The following MRE11 variants were observed in gnomAD, a reference collection of about 807,000 sequenced individuals.
MRE11 encodes MRE11 double strand break repair nuclease, also known as double-strand break repair protein MRE11.
In MRE11, 62 loss-of-function variants were observed where a neutral mutation model predicts 91.7. The observed-to-expected ratio is 0.68, with a 90% CI of 0.55 to 0.84. The LOEUF (loss-of-function observed/expected upper bound fraction) is 0.84. MRE11 is among the 40% of genes least tolerant of loss of function. The probability of loss-of-function intolerance (pLI) is 0.00; values close to 1 mark genes in which losing one functional copy is unlikely to be tolerated. For missense variants in MRE11, 796 were observed against 852.9 expected (o/e 0.93, Z 0.83); for synonymous variants, 273 against 271.4 (o/e 1.01, Z -0.06).
chr11:94,445,819 T>G lies in MRE11; in HGVS notation c.1858A>C (p.Ile620Leu). 1 of 1,608,648 alleles carries G rather than the reference T, an allele frequency of 6.2e-7. No homozygotes were observed. The highest frequency in any genetic ancestry group is 1.3e-5 in the African/African-American group (1 of 74,952). The change falls in exon 16 of 20, where the codon ATT (isoleucine) becomes CTT (leucine). Residue 620 changes from isoleucine (I) to leucine (L), a missense_variant. Ile to Leu is a conservative substitution (Grantham distance 5, BLOSUM62 2). Coordinates refer to ENST00000323929, the MANE Select transcript of MRE11 (RefSeq NM_005591.4). ...TGCAGTCTATACTCACCATCTATAA[T>G]AGACATATTTCTAGATGCTGACACA... is the stretch of plus-strand genomic sequence containing the variant. Reference protein sequence around the residue: ...TAVSASRNMSIIDAFKSTRQQ... With the variant: ...TAVSASRNMSLIDAFKSTRQQ...
chr11:94,503,380 T>A, the MRE11 span, among the ~76,000 whole-genome samples: 1 of 152,006 alleles, frequency 6.6e-6, no homozygotes, highest in African/African-American at 2.4e-5. Flanking sequence ...ATCCTAGTAG[T>A]TGAAAATCAT....
rs1805363 is a variant in MRE11 at position 94,493,786 on chromosome 11, C to T, written c.-106+5G>A. On this transcript the variant is annotated splice_donor_5th_base_variant and intron_variant, in intron 1 of 19. Transcript: ENST00000323929. ...TGAAAAGAAAACAACACGGTCTGAA[C>T]TTGCCTCTGAGAACCCGCAGGGCCG... 0.057 allele frequency: 8,741 copies of T among 152,356 alleles called. 370 individuals carry two copies. Among genetic ancestry groups the T allele is most frequent in the Non-Finnish European group, 0.091 (6,199 of 68,068 alleles). The allele number at this position is 152,356 out of a possible 1,614,324, so 9.4% of individuals were successfully genotyped here. A position where few individuals can be genotyped will look rare whatever the true frequency, so the allele number is the denominator to read the frequency against.
intron 11 of MRE11, among the ~76,000 whole-genome samples, chr11:94,461,833 T>C (rs1250417666): frequency 6.6e-6 from 1 of 152,124 alleles, no homozygotes; most frequent in Non-Finnish European, 1.5e-5. Flanking sequence ...CCCAGCACTT[T>C]GAGAGGCCGA....
intron 18 of MRE11, among the ~76,000 whole-genome samples, chr11:94,433,787 G>A (rs956055639): frequency 2.6e-5 from 4 of 152,136 alleles, no homozygotes; most frequent in Non-Finnish European, 5.9e-5. Flanking sequence ...GCCCAGTCTC[G>A]GGTATGTGTT....
At chr11:94,478,897 G>A in intron 5 of MRE11, 21 bp from the exon 6 acceptor site, 1 of 1,612,096 alleles carries the variant, frequency 6.2e-7, no homozygotes, top group Non-Finnish European at 8.5e-7. Flanking sequence ...TAATTTCAAA[G>A]AATGTTAGTG....
At chr11:94,490,744 T>A in intron 3 of MRE11, 89 bp downstream of exon 3, 1 of 1,501,416 alleles carries the variant, frequency 6.7e-7, no homozygotes, top group Non-Finnish European at 9.3e-7. Context: ...CACCTGAGCT[T>A]ATAAAACAAA....
chr11:94,433,820 T>G (rs1352857629), intron 18 of MRE11, among the ~76,000 whole-genome samples: 1 of 152,234 alleles, frequency 6.6e-6, no homozygotes, highest in Non-Finnish European at 1.5e-5. Context: ...GAAAATGGAC[T>G]AATACAGGCT....
chr11:94,481,796 T>C (rs1231765773), intron 4 of MRE11, among the ~76,000 whole-genome samples: 1 of 152,222 alleles, frequency 6.6e-6, no homozygotes, highest in Non-Finnish European at 1.5e-5. Context: ...TATTGTAGCA[T>C]TGTTATACTT....
chr11:94,480,680 A>G (rs1212923339), intron 4 of MRE11, among the ~76,000 whole-genome samples: 2 of 152,246 alleles, frequency 1.3e-5, no homozygotes, highest in Admixed American at 6.5e-5. Flanking sequence ...AGAGATTTAC[A>G]CATAATGCAA....
chr11:94,501,481 A>G, the MRE11 span, among the ~76,000 whole-genome samples: 1 of 152,164 alleles, frequency 6.6e-6, no homozygotes, highest in East Asian at 1.9e-4. Flanking sequence ...ATGACAATAC[A>G]TCCAAAATAT....
chr11:94,503,849 A>AG, the MRE11 span, among the ~76,000 whole-genome samples: 6 of 150,722 alleles, frequency 4.0e-5, no homozygotes, highest in African/African-American at 1.5e-4. Flanking sequence ...AAAAAAAAAA[A>AG]GACTAGCTAT....
intron 16 of MRE11, 122 bp from the exon 17 acceptor site, chr11:94,437,357 T>C: frequency 1.3e-6 from 1 of 795,854 alleles, no homozygotes; most frequent in Admixed American, 2.7e-5. Context: ...TGCCTAATTA[T>C]AAAACTATTT....
At chr11:94,486,876 T>A (rs1412402940) in intron 3 of MRE11, among the ~76,000 whole-genome samples, 1 of 152,190 alleles carries the variant, frequency 6.6e-6, no homozygotes, top group Non-Finnish European at 1.5e-5. Flanking sequence ...AGAAAAAGTC[T>A]AACACAGGCT....
At position 94,418,506 on chromosome 11, in the gene MRE11, C is replaced by A. The variant is rs1302558328; in HGVS notation, c.*1619G>T. The A allele has an allele frequency of 4.3e-6, 1 of 232,604 alleles. No individual in the cohort carries two copies. The highest frequency in any genetic ancestry group is 5.6e-5 in the Admixed American group (1 of 17,740). The allele number at this position is 232,604 out of a possible 1,614,324, so 14.4% of individuals were successfully genotyped here. The stretch of plus-strand genomic sequence containing the variant: ...CACCTAACTGATGCATGAGAAGAGC[C>A]ACTAGCTGATGTGGCCCACAGCTCA... On this transcript the variant is annotated 3_prime_UTR_variant, in exon 20 of 20. Transcript: ENST00000323929.
intron 7 of MRE11, chr11:94,473,124 G>A (rs1327740003): frequency 1.3e-5 from 2 of 152,266 alleles, no homozygotes; most frequent in East Asian, 3.9e-4. Context: ...AAGTGGGAAT[G>A]TGTTCAGTGA....
chr11:94,489,996 CCT>C (rs1247191187), intron 3 of MRE11, among the ~76,000 whole-genome samples: 1 of 152,188 alleles, frequency 6.6e-6, no homozygotes, highest in Admixed American at 6.5e-5. Context: ...GTACACAAAT[CCT>C]CTTTTTGCAG....
At position 94,460,905 on chromosome 11, in the gene MRE11, A is replaced by G. The variant is rs368422632; in HGVS notation, c.1326+31T>C. 18 of 1,522,920 alleles carry G rather than the reference A, an allele frequency of 1.2e-5. No individual in the cohort carries two copies. In the African/African-American group the frequency reaches 1.8e-4, roughly 15 times the overall value. 94.3% of individuals were successfully genotyped at this position (1,522,920 alleles called of 1,614,324 possible). ...TAAAATCTGTTACTATAAGGTAGCC[A>G]TTATTCAAAATGTGAACTGTAAGAA... On this transcript the variant is annotated intron_variant, in intron 12 of 19. Coordinates refer to ENST00000323929, the MANE Select transcript of MRE11 (RefSeq NM_005591.4).
intron 18 of MRE11, among the ~76,000 whole-genome samples, chr11:94,435,608 G>A (rs1945584633): frequency 6.6e-6 from 1 of 151,876 alleles, no homozygotes; most frequent in Non-Finnish European, 1.5e-5. Context: ...AAGTCAAAAG[G>A]AAAAAAATTA....
intron 16 of MRE11, among the ~76,000 whole-genome samples, chr11:94,445,244 G>T (rs1412334846): frequency 6.6e-6 from 1 of 152,182 alleles, no homozygotes; most frequent in Non-Finnish European, 1.5e-5. Context: ...CCTGTTTCCA[G>T]GGTCTCTCTG....
Sources: gnomAD v4.1 joint callset for allele counts (sites outside exome capture counted in the v4.1 genomes callset) on GRCh38, gnomAD v4.1.1 for gene constraint, MANE v1.5 for transcripts, NCBI Gene and HGNC (gene_info 2026-07-23, HGNC 2026-07-21) for gene names.